SEMA3D: variants seen among roughly 807,000 people sequenced by gnomAD.
SEMA3D encodes semaphorin 3D.
Under a neutral mutation model 100.1 loss-of-function variants are expected in SEMA3D, and 84 were observed. That is an observed-to-expected ratio of 0.84 (90% confidence interval 0.70 to 1.01). SEMA3D has a LOEUF of 1.01. Among genes scored for constraint, SEMA3D ranks in the 50% least tolerant of loss-of-function variants. SEMA3D has a pLI of 0.00. For synonymous variants in SEMA3D, 312 were observed against 320.7 expected (o/e 0.97, Z 0.29); for missense variants, 875 against 934.1 (o/e 0.94, Z 0.82).
At chr7:85,063,521 ATCTCTTGAGCTCTG>A (rs1791532970) in intron 8 of SEMA3D, among the ~76,000 whole-genome samples, 1 of 152,032 alleles carries the variant, frequency 6.6e-6, no homozygotes, top group Non-Finnish European at 1.5e-5. Flanking sequence ...CAGCATACAA[ATCTCTTGAGCTCTG>A]TCTCATGTCC....
chr7:85,215,762 CAT>C, the SEMA3D span, among the ~76,000 whole-genome samples: 1 of 151,922 alleles, frequency 6.6e-6, no homozygotes, highest in Non-Finnish European at 1.5e-5. Flanking sequence ...TTATGAAAAA[CAT>C]ATATTTTCCC....
At chr7:85,238,284 C>G in the SEMA3D span, among the ~76,000 whole-genome samples, 1 of 152,050 alleles carries the variant, frequency 6.6e-6, no homozygotes, top group Non-Finnish European at 1.5e-5. Flanking sequence ...ATTGCCATAC[C>G]CAATGTCACC....
intron 17 of SEMA3D, among the ~76,000 whole-genome samples, chr7:85,007,864 T>A (rs982830292): frequency 2.0e-4 from 30 of 151,846 alleles, no homozygotes; most frequent in African/African-American, 7.0e-4. Flanking sequence ...AACCTAAGCA[T>A]ACAAATGAGC....
In SEMA3D at chr7:85,073,046, G is replaced by C. The variant is rs1164378147; in HGVS notation, c.411C>G (p.Pro137=). Residue 137 remains proline, a synonymous_variant, in exon 6 of 19, where the codon CCC becomes CCG. Coordinates refer to ENST00000284136, the MANE Select transcript of SEMA3D (RefSeq NM_001384900.1). The stretch of plus-strand genomic sequence containing the variant: ...ACACATATATGTGAGTTTTGTTATA[G>C]GGCTGAAGTACTCTGATGAAATTTG... ...ECANFIRVLQ[P]YNKTHIYVCG... The C allele has an allele frequency of 6.2e-7, 1 of 1,612,406 alleles. No homozygotes were observed. The highest frequency in any genetic ancestry group is 8.5e-7 in the Non-Finnish European group (1 of 1,178,962).
chr7:85,053,578 G>T (rs934915418), intron 9 of SEMA3D, among the ~76,000 whole-genome samples: 2 of 151,912 alleles, frequency 1.3e-5, no homozygotes, highest in Non-Finnish European at 2.9e-5. Context: ...CATGTTGTCA[G>T]TGAAATCTCC....
Position 85,015,142 on chromosome 7 carries a change from A to C in SEMA3D, c.1620T>G (p.Ala540=). ...SLHRCDTYGK[A]CADCCLARDP... ...CTCTGGCAAGACAACAGTCTGCGCA[A>C]GCTTTCCCATAAGTGTCGCATCTGT... The change falls in exon 16 of 19, where the codon GCT becomes GCG. Residue 540 remains alanine (A), a synonymous_variant. Transcript: ENST00000284136. 6.2e-7 allele frequency: 1 copy of C among 1,611,920 alleles called. No individual in the cohort carries two copies. Among genetic ancestry groups the C allele is most frequent in the South Asian group, 1.1e-5 (1 of 91,010 alleles).
intron 3 of SEMA3D, among the ~76,000 whole-genome samples, chr7:85,109,050 T>G (rs1479303328): frequency 6.6e-6 from 1 of 151,996 alleles, no homozygotes; most frequent in Non-Finnish European, 1.5e-5. Context: ...TACAATTATA[T>G]TCTTAAATAC....
At chr7:85,091,897 G>A (rs1190656264) in intron 4 of SEMA3D, among the ~76,000 whole-genome samples, 1 of 152,070 alleles carries the variant, frequency 6.6e-6, no homozygotes, top group Non-Finnish European at 1.5e-5. Context: ...AGAGTAGGAT[G>A]TTAAGGGCTG....
chr7:85,247,894 A>G, the SEMA3D span, among the ~76,000 whole-genome samples: 1 of 152,162 alleles, frequency 6.6e-6, no homozygotes, highest in Non-Finnish European at 1.5e-5. Context: ...ATTACCTCAA[A>G]GTGCATTATA....
intron 12 of SEMA3D, among the ~76,000 whole-genome samples, chr7:85,034,364 T>C (rs1292642563): frequency 6.6e-6 from 1 of 152,042 alleles, no homozygotes; most frequent in Non-Finnish European, 1.5e-5. Flanking sequence ...CCCAGGACTT[T>C]GGGAGGATGA....
At chr7:85,145,709 T>C (rs748022892) in intron 2 of SEMA3D, among the ~76,000 whole-genome samples, 4 of 152,116 alleles carry the variant, frequency 2.6e-5, no homozygotes, top group Non-Finnish European at 5.9e-5. Context: ...GATTTCTTAT[T>C]CTCAAATACA....
chr7:85,010,443 G>A (rs1789919606), intron 17 of SEMA3D, among the ~76,000 whole-genome samples: 1 of 151,814 alleles, frequency 6.6e-6, no homozygotes, highest in African/African-American at 2.4e-5. Flanking sequence ...TGGTTCAAGT[G>A]TGGAGGCAGA....
chr7:85,039,812 A>G (rs547553856), intron 11 of SEMA3D, among the ~76,000 whole-genome samples: 1 of 152,240 alleles, frequency 6.6e-6, no homozygotes, highest in East Asian at 1.9e-4. Context: ...TGATAATAGG[A>G]CAGCATGTGA....
At chr7:85,084,174 A>G (rs112897920) in intron 4 of SEMA3D, among the ~76,000 whole-genome samples, 1,549 of 152,194 alleles carry the variant, frequency 0.01, 26 homozygotes, top group African/African-American at 0.035. Flanking sequence ...TTGCATCTTG[A>G]ATTCAGAGTC....
chr7:85,048,892 C>T (rs1325988001), intron 9 of SEMA3D, among the ~76,000 whole-genome samples: 1 of 151,856 alleles, frequency 6.6e-6, no homozygotes, highest in African/African-American at 2.4e-5. Flanking sequence ...ACAAATATCT[C>T]TTCACTTACT....
rs1344574181 is a variant in SEMA3D at position 85,065,546 on chromosome 7, T to G, written c.596A>C (p.Tyr199Ser). ...ATCAGAAGCTGTTCCAGAGTAGAGG[T>G]ACTCATCTGAGAGGGAGAAAAAAGT... is the stretch of plus-strand genomic sequence containing the variant. ...QPFASVMTDE[Y>S]LYSGTASDFL... Residue 199 changes from tyrosine (Y) to serine (S), a missense_variant, in exon 8 of 19, where the codon TAC (tyrosine) becomes TCC (serine). By Grantham distance (144) the Tyr-to-Ser change is moderately radical (BLOSUM62 -2). Coordinates refer to ENST00000284136, the MANE Select transcript of SEMA3D (RefSeq NM_001384900.1). 11 of 1,612,654 alleles carry G rather than the reference T, an allele frequency of 6.8e-6. No homozygotes were observed. The highest frequency in any genetic ancestry group is 9.3e-6 in the Non-Finnish European group (11 of 1,178,900).
intron 1 of SEMA3D, chr7:85,160,141 T>C: frequency 1.7e-6 from 1 of 594,794 alleles, no homozygotes; most frequent in Non-Finnish European, 2.1e-6. Flanking sequence ...AATGTCAAGC[T>C]ACTTATTGAT....
intron 6 of SEMA3D, 134 bp from the exon 7 acceptor site, chr7:85,068,418 G>A: frequency 1.7e-6 from 1 of 592,590 alleles, no homozygotes; most frequent in Non-Finnish European, 3.0e-6. Flanking sequence ...GCATAATGCT[G>A]AACTCCTTAA....
chr7:85,057,253 T>C (rs1791346893), intron 8 of SEMA3D, among the ~76,000 whole-genome samples: 1 of 152,144 alleles, frequency 6.6e-6, no homozygotes, highest in Non-Finnish European at 1.5e-5. Flanking sequence ...AAGTCTTGGT[T>C]TTAAATAATT....
Sources: gnomAD v4.1 joint callset for allele counts (sites outside exome capture counted in the v4.1 genomes callset) on GRCh38, gnomAD v4.1.1 for gene constraint, MANE v1.5 for transcripts, NCBI Gene and HGNC (gene_info 2026-07-23, HGNC 2026-07-21) for gene names.